Variants in SLC22A15 observed in about 807,000 individuals in gnomAD.
The protein encoded by SLC22A15 is flipt 1.
In SLC22A15, 45 loss-of-function variants were observed where a neutral mutation model predicts 62.7. The ratio of observed to expected loss-of-function variants is 0.72; its 90% CI spans 0.56 to 0.92. SLC22A15 has a LOEUF of 0.92. Among genes scored for constraint, SLC22A15 ranks in the 40% least tolerant of loss-of-function variants. SLC22A15 has a pLI of 0.00. For missense variants in SLC22A15, 622 were observed against 665.6 expected (o/e 0.93, Z 0.72); for synonymous variants, 264 against 267.0 (o/e 0.99, Z 0.11).
chr1:116,040,004 C>T (rs1315822833), intron 8 of SLC22A15, among the ~76,000 whole-genome samples: 1 of 152,156 alleles, frequency 6.6e-6, no homozygotes, highest in African/African-American at 2.4e-5. Flanking sequence ...TGTTCCTTTG[C>T]CCTCACTTTT....
intron 1 of SLC22A15, among the ~76,000 whole-genome samples, chr1:115,987,793 G>A (rs780637999): frequency 6.6e-6 from 1 of 152,042 alleles, no homozygotes; most frequent in Non-Finnish European, 1.5e-5. Flanking sequence ...AAAGTTAAGT[G>A]GTTCTCGTTC....
intron 5 of SLC22A15, chr1:116,027,413 G>A (rs1657149047): frequency 2.0e-6 from 1 of 502,500 alleles, no homozygotes; most frequent in East Asian, 5.6e-5. Context: ...AGTGACAACT[G>A]TTCATCCTAC....
At chr1:115,982,172 A>G (rs6681591) in intron 1 of SLC22A15, among the ~76,000 whole-genome samples, 34,383 of 152,148 alleles carry the variant, frequency 0.23, 4,474 homozygotes, top group East Asian at 0.48. Flanking sequence ...AAATCCAAAG[A>G]TGCACACAGC....
intron 2 of SLC22A15, among the ~76,000 whole-genome samples, chr1:115,998,078 T>G (rs1387271711): frequency 6.6e-6 from 1 of 152,230 alleles, no homozygotes; most frequent in East Asian, 1.9e-4. Flanking sequence ...GTTGATATGA[T>G]GTATCACATC....
chr1:116,004,780 T>A (rs2101161458), intron 2 of SLC22A15, among the ~76,000 whole-genome samples: 1 of 152,328 alleles, frequency 6.6e-6, no homozygotes, highest in Admixed American at 6.5e-5. Flanking sequence ...TTTGATAGAA[T>A]TCTCCAGTGA....
intron 2 of SLC22A15, among the ~76,000 whole-genome samples, chr1:116,008,257 C>T (rs564750440): frequency 2.6e-5 from 4 of 152,272 alleles, no homozygotes; most frequent in Admixed American, 1.3e-4. Flanking sequence ...CTGTAGGAAG[C>T]GCTCTTTTCA....
chr1:116,020,829 T>A lies in SLC22A15; in HGVS notation c.542T>A (p.Leu181Gln), dbSNP rs1656792565. 1 of 1,613,870 alleles carries A rather than the reference T, an allele frequency of 6.2e-7. No individual in the cohort carries two copies. Among genetic ancestry groups the A allele is most frequent in the Non-Finnish European group, 8.5e-7 (1 of 1,179,780 alleles). ...GGCATGATGAATGGAGGGATGTCGC[T>A]GGTGGCCTTTGTCTTGCTTAATGAA... Reference protein sequence around the residue: ...LVGMMNGGMSLVAFVLLNECV... With the variant: ...LVGMMNGGMSQVAFVLLNECV... The change falls in exon 4 of 12, where the codon CTG (leucine) becomes CAG (glutamine). Residue 181 changes from leucine (L) to glutamine (Q), a missense_variant. Transcript: ENST00000369503.
Position 116,020,827 on chromosome 1 carries a change from G to C in SLC22A15, c.540G>C (p.Ser180=). 1 of 1,613,734 alleles carries C rather than the reference G, an allele frequency of 6.2e-7. No individual in the cohort carries two copies. Among genetic ancestry groups the C allele is most frequent in the South Asian group, 1.1e-5 (1 of 91,064 alleles). ...TGGGCATGATGAATGGAGGGATGTC[G>C]CTGGTGGCCTTTGTCTTGCTTAATG... ...FLVGMMNGGM[S]LVAFVLLNEC... The change falls in exon 4 of 12, where the codon TCG becomes TCC. Residue 180 remains serine, a synonymous_variant. Coordinates refer to ENST00000369503, the MANE Select transcript of SLC22A15 (RefSeq NM_018420.3).
chr1:116,041,605 A>G, intron 8 of SLC22A15, among the ~76,000 whole-genome samples: 1 of 152,230 alleles, frequency 6.6e-6, no homozygotes, highest in Non-Finnish European at 1.5e-5. Context: ...AGTGCAGGGA[A>G]GGGAAGCCCA....
chr1:116,023,460 C>T (rs1028109801), intron 4 of SLC22A15, among the ~76,000 whole-genome samples: 3 of 152,198 alleles, frequency 2.0e-5, no homozygotes, highest in Admixed American at 6.5e-5. Context: ...TAGTCCTATT[C>T]CCCTAGAGAC....
chr1:116,026,280 A>G (rs1221733600), intron 4 of SLC22A15, among the ~76,000 whole-genome samples: 1 of 151,952 alleles, frequency 6.6e-6, no homozygotes, highest in Non-Finnish European at 1.5e-5. Flanking sequence ...TTAGCCAGGC[A>G]TGGTGGCGGG....
chr1:115,982,852 G>A (rs1301706423), intron 1 of SLC22A15, among the ~76,000 whole-genome samples: 1 of 152,082 alleles, frequency 6.6e-6, no homozygotes, highest in Non-Finnish European at 1.5e-5. Flanking sequence ...TACCTTCTCT[G>A]TTAGGGAACA....
At chr1:116,052,796 G>A (rs762887918) in intron 8 of SLC22A15, among the ~76,000 whole-genome samples, 1 of 152,194 alleles carries the variant, frequency 6.6e-6, no homozygotes, top group Non-Finnish European at 1.5e-5. Context: ...CAGGCAAACA[G>A]GGTCTGGAGT....
At chr1:116,004,832 A>G (rs1399039552) in intron 2 of SLC22A15, among the ~76,000 whole-genome samples, 1 of 152,284 alleles carries the variant, frequency 6.6e-6, no homozygotes, top group East Asian at 1.9e-4. Context: ...GAGTTTTAAA[A>G]TTATGAATTC....
At chr1:115,993,428 A>AGAGT (rs1406043731) in intron 2 of SLC22A15, among the ~76,000 whole-genome samples, 121 of 143,562 alleles carry the variant, frequency 8.4e-4, no homozygotes, top group African/African-American at 2.5e-3. Context: ...AGTGTGTGAG[A>AGAGT]GTGTGTGTGT....
At chr1:116,036,924 TCA>T (rs1331471268) in intron 7 of SLC22A15, among the ~76,000 whole-genome samples, 1 of 152,214 alleles carries the variant, frequency 6.6e-6, no homozygotes, top group Non-Finnish European at 1.5e-5. Flanking sequence ...TCTCCTTGTT[TCA>T]GTTTCATTCT....
At chr1:116,034,994 A>AT (rs537245298) in intron 6 of SLC22A15, among the ~76,000 whole-genome samples, 193 bp from the exon 7 acceptor site, 2 of 152,288 alleles carry the variant, frequency 1.3e-5, no homozygotes, top group South Asian at 2.1e-4. Flanking sequence ...AACCCCCATA[A>AT]TTTTTTTGTT....
chr1:115,988,876 C>T (rs1655013513), intron 1 of SLC22A15, among the ~76,000 whole-genome samples: 1 of 152,104 alleles, frequency 6.6e-6, no homozygotes, highest in Admixed American at 6.5e-5. Context: ...AGCATTGCCT[C>T]TCTGAGCTAA....
intron 2 of SLC22A15, among the ~76,000 whole-genome samples, chr1:116,010,823 G>A (rs1656211624): frequency 6.6e-6 from 1 of 152,162 alleles, no homozygotes; most frequent in Non-Finnish European, 1.5e-5. Context: ...TTGAAATACT[G>A]ACAAGCTAGG....
Sources: gnomAD v4.1 joint callset for allele counts (sites outside exome capture counted in the v4.1 genomes callset) on GRCh38, gnomAD v4.1.1 for gene constraint, MANE v1.5 for transcripts, NCBI Gene and HGNC (gene_info 2026-07-23, HGNC 2026-07-21) for gene names.